Variants in SFMBT2 observed in about 807,000 individuals in gnomAD.
SFMBT2 encodes the protein Scm like with four mbt domains 2.
Under a neutral mutation model 110.1 loss-of-function variants are expected in SFMBT2, and 38 were observed. The observed-to-expected ratio is 0.35, with a 90% confidence interval of 0.27 to 0.45. The LOEUF is 0.45. SFMBT2 is among the 20% of genes least tolerant of loss of function. SFMBT2 has a pLI of 1.00. For synonymous variants in SFMBT2, 425 were observed against 425.4 expected, an observed-to-expected ratio of 1.00 and a Z score of 0.01; for missense variants, 1,011 against 1,094.9, an observed-to-expected ratio of 0.92 and a Z score of 1.08.
chr10:7,366,297 A>G (rs1407579309), intron 4 of SFMBT2, among the ~76,000 whole-genome samples: 1 of 152,170 alleles, frequency 6.6e-6, no homozygotes, highest in African/African-American at 2.4e-5. Flanking sequence ...ATCCTGACAA[A>G]TGTCACATAA....
intron 4 of SFMBT2, among the ~76,000 whole-genome samples, chr10:7,366,671 G>A (rs958059262): frequency 1.1e-4 from 16 of 152,226 alleles, no homozygotes; most frequent in Non-Finnish European, 2.1e-4. Flanking sequence ...GTGGGGTGTA[G>A]AGATTCACGT....
At chr10:7,227,767 G>T in intron 10 of SFMBT2, 88 bp downstream of exon 10, 1 of 1,122,452 alleles carries the variant, frequency 8.9e-7, no homozygotes, top group Non-Finnish European at 1.3e-6. Flanking sequence ...TACTCCAACC[G>T]TGCTTCATCA....
At chr10:7,305,256 T>C (rs1842660198) in intron 4 of SFMBT2, among the ~76,000 whole-genome samples, 1 of 152,348 alleles carries the variant, frequency 6.6e-6, no homozygotes, top group African/African-American at 2.4e-5. Context: ...CTTGGCATGA[T>C]GATTAAATGA....
chr10:7,336,589 G>A (rs1843721850), intron 4 of SFMBT2, among the ~76,000 whole-genome samples: 1 of 152,126 alleles, frequency 6.6e-6, no homozygotes, highest in Non-Finnish European at 1.5e-5. Context: ...AGGAGTTCAA[G>A]GATGCAGTGA....
chr10:7,242,584 T>C (rs1462025613), intron 9 of SFMBT2, among the ~76,000 whole-genome samples: 2 of 152,064 alleles, frequency 1.3e-5, no homozygotes, highest in Non-Finnish European at 1.5e-5. Context: ...ACCCAAAGAG[T>C]TGAAAGCTGA....
chr10:7,355,988 T>G (rs1467768403), intron 4 of SFMBT2, among the ~76,000 whole-genome samples: 1 of 152,238 alleles, frequency 6.6e-6, no homozygotes, highest in Non-Finnish European at 1.5e-5. Context: ...ACCATTAATT[T>G]ATCTCTTACT....
At chr10:7,266,496 A>G (rs536050557) in intron 7 of SFMBT2, among the ~76,000 whole-genome samples, 24 of 152,304 alleles carry the variant, frequency 1.6e-4, no homozygotes, top group African/African-American at 5.8e-4. Flanking sequence ...CAAAGGCCTT[A>G]GGCAGGAGTA....
In SFMBT2 at chr10:7,171,680, C is replaced by A. The variant is rs147999519; in HGVS notation, c.2415+215G>T. The A allele has an allele frequency of 1.4e-6, 1 of 726,492 alleles. No individual in the cohort carries two copies. The highest frequency in any genetic ancestry group is 1.9e-5 in the African/African-American group (1 of 52,382). The allele number at this position is 726,492 out of a possible 1,614,324, so 45.0% of individuals were successfully genotyped here. A position where few individuals can be genotyped will look rare whatever the true frequency, so the allele number is the denominator to read the frequency against. Reference sequence around the variant, plus strand: ...ACTAAAGCCGTCCAGGAAAGAGGCGCTGTCTCCACCCTGGGCACTCCATTC... The same window carrying A: ...ACTAAAGCCGTCCAGGAAAGAGGCGATGTCTCCACCCTGGGCACTCCATTC... On this transcript the variant is annotated intron_variant, in intron 19 of 20. Coordinates refer to ENST00000397167, the MANE Select transcript of SFMBT2 (RefSeq NM_001387889.1). The surrounding 1 kb of genome is among the most constrained non-coding windows in gnomAD (Gnocchi z 4.9).
chr10:7,271,240 C>A (rs1008247233), intron 7 of SFMBT2, among the ~76,000 whole-genome samples: 2 of 133,606 alleles, frequency 1.5e-5, no homozygotes, highest in Admixed American at 1.9e-4. Flanking sequence ...GGGGGCCAAG[C>A]TGAGATCATG....
At chr10:7,236,392 G>A (rs999761396) in intron 9 of SFMBT2, among the ~76,000 whole-genome samples, 3 of 151,986 alleles carry the variant, frequency 2.0e-5, no homozygotes, top group Non-Finnish European at 4.4e-5. Flanking sequence ...TAGATATCAA[G>A]ACTATATTAT....
intron 4 of SFMBT2, among the ~76,000 whole-genome samples, chr10:7,297,956 G>A: frequency 6.6e-6 from 1 of 152,164 alleles, no homozygotes; most frequent in Non-Finnish European, 1.5e-5. Context: ...ACCACGGGCT[G>A]ATGCACATTC....
intron 9 of SFMBT2, among the ~76,000 whole-genome samples, chr10:7,236,864 GCA>G (rs2131700697): frequency 1.3e-5 from 2 of 152,272 alleles, no homozygotes; most frequent in African/African-American, 4.8e-5. Flanking sequence ...TATGTGTGAA[GCA>G]CATTGCTGAG....
chr10:7,228,739 T>TC (rs1491479048), intron 9 of SFMBT2, among the ~76,000 whole-genome samples: 92 of 29,550 alleles, frequency 3.1e-3, no homozygotes, highest in East Asian at 8.8e-3. Flanking sequence ...TTCTTTCCTT[T>TC]CTCTCTCTCT....
chr10:7,320,508 C>A (rs957134011), intron 4 of SFMBT2: 27 of 740,656 alleles, frequency 3.6e-5, no homozygotes, highest in Non-Finnish European at 4.3e-5. Context: ...CCTGGAGAAT[C>A]ACTGGAGTAT....
intron 4 of SFMBT2, among the ~76,000 whole-genome samples, chr10:7,314,035 T>C (rs1374893716): frequency 6.6e-6 from 1 of 152,252 alleles, no homozygotes; most frequent in African/African-American, 2.4e-5. Context: ...ATTTCCAAGT[T>C]ACTTTTGTCA....
intron 1 of SFMBT2, among the ~76,000 whole-genome samples, chr10:7,388,524 A>ATTTTTTTTTTTTTTTT (rs60231769): frequency 5.4e-5 from 6 of 112,096 alleles, no homozygotes; most frequent in African/African-American, 7.3e-5. Flanking sequence ...TACCCAGCTA[A>ATTTTTTTTTTTTTTTT]TTTTTTTTTT....
intron 4 of SFMBT2, among the ~76,000 whole-genome samples, chr10:7,326,030 T>C (rs1588450672): frequency 6.6e-6 from 1 of 152,358 alleles, no homozygotes; most frequent in South Asian, 2.1e-4. Context: ...TTGTCCAGTA[T>C]GCAACCAGAA....
intron 4 of SFMBT2, among the ~76,000 whole-genome samples, chr10:7,319,220 C>T (rs7088880): frequency 3.9e-5 from 6 of 152,298 alleles, no homozygotes; most frequent in East Asian, 1.9e-4. Context: ...TCATCAAGTT[C>T]GCAGTACTCC....
chr10:7,189,934 A>G (rs1484229857), intron 15 of SFMBT2, among the ~76,000 whole-genome samples: 2 of 152,150 alleles, frequency 1.3e-5, no homozygotes, highest in African/African-American at 2.4e-5. Flanking sequence ...GCTTGTCACA[A>G]TTTTCACGGG....
Sources: allele counts gnomAD v4.1 joint callset (sites outside exome capture counted in the v4.1 genomes callset), GRCh38; gene constraint gnomAD v4.1.1; non-coding constraint Gnocchi (gnomAD v3.1); transcripts MANE v1.5; gene names NCBI Gene and HGNC (gene_info 2026-07-23, HGNC 2026-07-21).